Variants in RUFY1 observed in about 807,000 individuals in gnomAD.
RUFY1 encodes RUN and FYVE domain containing 1.
Under a neutral mutation model 94.6 loss-of-function variants are expected in RUFY1, and 54 were observed. The ratio of observed to expected loss-of-function variants is 0.57; its 90% CI spans 0.46 to 0.72. The LOEUF (loss-of-function observed/expected upper bound fraction) is 0.72, where lower values mean the gene tolerates loss of function less well. RUFY1 is among the 30% of genes least tolerant of loss of function. The probability of loss-of-function intolerance (pLI) is 0.00; values close to 1 mark genes in which losing one functional copy is unlikely to be tolerated. For synonymous variants in RUFY1, 396 were observed against 347.3 expected, an observed-to-expected ratio of 1.14 and a Z score of -1.56; for missense variants, 883 against 883.9, an observed-to-expected ratio of 1.00 and a Z score of 0.01.
intron 1 of RUFY1, 182 bp from the exon 2 acceptor site, chr5:179,559,843 G>A (rs1363712372): frequency 1.4e-6 from 2 of 1,380,594 alleles, no homozygotes; most frequent in East Asian, 2.8e-5. Context: ...CAGGTAGGGG[G>A]CTGTGGCCTC....
intron 1 of RUFY1, among the ~76,000 whole-genome samples, chr5:179,556,136 G>T (rs1275085747): frequency 6.6e-6 from 1 of 152,082 alleles, no homozygotes; most frequent in East Asian, 1.9e-4. Flanking sequence ...GTATCAAGTG[G>T]TATGTAAATA....
At chr5:179,589,518 A>G in intron 8 of RUFY1, 28 bp from the exon 9 acceptor site, 1 of 1,426,070 alleles carries the variant, frequency 7.0e-7, no homozygotes, top group Non-Finnish European at 9.9e-7. Context: ...TTTTGATGTT[A>G]AGAACTGTAA....
At chr5:179,562,454 A>G in intron 2 of RUFY1, 93 bp from the exon 3 acceptor site, 1 of 738,216 alleles carries the variant, frequency 1.4e-6, no homozygotes, top group South Asian at 1.6e-5. Flanking sequence ...AGCAGCTTTC[A>G]CTTCCACTTG....
chr5:179,598,643 C>T (rs745733145), intron 13 of RUFY1, 49 bp from the exon 14 acceptor site: 33 of 1,607,700 alleles, frequency 2.1e-5, no homozygotes, highest in African/African-American at 1.1e-4. Context: ...GTGAATCTTC[C>T]GTGAAAGTCT....
Position 179,559,678 on chromosome 5 carries a change from C to T in RUFY1, c.311-347C>T, listed in dbSNP as rs190505263. On this transcript the variant is annotated intron_variant, in intron 1 of 17. Transcript: ENST00000319449. ...GGGGCAGGGCTTCCTGTAGGTAGCGCCCTTCCATTGGTCAAAAATGGAACC... is the reference window on the plus strand; with the variant it reads ...GGGGCAGGGCTTCCTGTAGGTAGCGTCCTTCCATTGGTCAAAAATGGAACC... 2.9e-6 allele frequency: 3 copies of T among 1,038,252 alleles called. No individual in the cohort carries two copies. In the East Asian group the frequency reaches 2.8e-4, roughly 97 times the overall value. 64.3% of individuals were successfully genotyped at this position (1,038,252 alleles called of 1,614,324 possible).
chr5:179,605,178 C>T (rs1010123541), intron 15 of RUFY1, among the ~76,000 whole-genome samples: 23 of 150,092 alleles, frequency 1.5e-4, no homozygotes, highest in African/African-American at 5.4e-4. Flanking sequence ...ACTTGGGAGA[C>T]TAAAGTGAGA....
chr5:179,601,817 CAAAAAAAAA>C (rs56169514), intron 14 of RUFY1, 66 bp from the exon 15 acceptor site: 152 of 519,666 alleles, frequency 2.9e-4, no homozygotes, highest in Non-Finnish European at 3.6e-4. Context: ...GACCCTGTCT[CAAAAAAAAA>C]AAAAAAAAAA....
chr5:179,591,806 T>C (rs1431524663), intron 10 of RUFY1, 65 bp downstream of exon 10: 19 of 948,520 alleles, frequency 2.0e-5, no homozygotes, highest in Non-Finnish European at 2.6e-5. Context: ...TGTCAACACT[T>C]TTCATAGACA....
intron 7 of RUFY1, among the ~76,000 whole-genome samples, chr5:179,584,777 C>T (rs11744473): frequency 7.3e-6 from 1 of 136,934 alleles, no homozygotes; most frequent in African/African-American, 2.7e-5. Context: ...CAAAAAAAAA[C>T]AAAAAAAAGT....
chr5:179,598,842 A>C, intron 14 of RUFY1, 21 bp downstream of exon 14: 1 of 1,613,790 alleles, frequency 6.2e-7, no homozygotes, highest in Non-Finnish European at 8.5e-7. Flanking sequence ...CCATCCCGGG[A>C]GAGGAGAGCC....
At position 179,598,830 on chromosome 5, in the gene RUFY1, G is replaced by A; in HGVS notation, c.1761+9G>A. ...TGGAAGGACTGAAAAAGGTGAGGTG[G>A]GCCATCCCGGGAGAGGAGAGCCTCT... On this transcript the variant is annotated intron_variant, in intron 14 of 17. Transcript: ENST00000319449. 3 of 1,614,072 alleles carry A rather than the reference G, an allele frequency of 1.9e-6. No individual in the cohort carries two copies. Among genetic ancestry groups the A allele is most frequent in the Non-Finnish European group, 2.5e-6 (3 of 1,179,986 alleles).
At chr5:179,585,725 AC>A (rs1281344521) in intron 7 of RUFY1, 70 bp from the exon 8 acceptor site, 31 of 1,123,900 alleles carry the variant, frequency 2.8e-5, no homozygotes, top group Non-Finnish European at 4.2e-5. Flanking sequence ...AATCTCTCTT[AC>A]TGTTTACAGA....
At chr5:179,554,901 G>A (rs1341713425) in intron 1 of RUFY1, among the ~76,000 whole-genome samples, 3 of 151,992 alleles carry the variant, frequency 2.0e-5, no homozygotes, top group South Asian at 4.1e-4. Context: ...CCAGGAGGCA[G>A]AAGTTGCAGT....
Position 179,581,834 on chromosome 5 carries a change from G to A in RUFY1, c.956+822G>A, listed in dbSNP as rs74660637. Among the ~76,000 whole-genome samples the A allele has an allele frequency of 9.1e-3, 1,375 of 151,432 alleles. 29 individuals are homozygous for A. Among genetic ancestry groups the A allele is most frequent in the African/African-American group, 0.031 (1,278 of 41,294 alleles). On this transcript the variant is annotated intron_variant, in intron 7 of 17. Coordinates refer to ENST00000319449, the MANE Select transcript of RUFY1 (RefSeq NM_025158.5). ...TAAGTAGCTGGGACTACAAGCACAC[G>A]TCACCCCTCCTGGCTAATTTTTGTA...
chr5:179,567,334 C>A (rs546405436), intron 3 of RUFY1, 127 bp from the exon 4 acceptor site: 61 of 701,136 alleles, frequency 8.7e-5, no homozygotes, highest in Non-Finnish European at 1.5e-4. Context: ...CCCCAAACAG[C>A]CATTCTTAGA....
At chr5:179,609,296 CT>C in intron 17 of RUFY1, 79 bp from the exon 18 acceptor site, 3 of 1,478,876 alleles carry the variant, frequency 2.0e-6, no homozygotes, top group Non-Finnish European at 2.8e-6. Flanking sequence ...AAATGATGCG[CT>C]TCTGGGTCAG....
intron 8 of RUFY1, chr5:179,589,292 T>G: frequency 2.3e-6 from 1 of 426,294 alleles, no homozygotes. Context: ...CAATATGCTA[T>G]CATTTTTGTA....
At chr5:179,559,631 C>A (rs7703730) in intron 1 of RUFY1, 601,098 of 987,820 alleles carry the variant, frequency 0.61, 185,763 homozygotes, top group Non-Finnish European at 0.63. Flanking sequence ...GGACGCTTTC[C>A]CAGCACGCCC....
intron 7 of RUFY1, 107 bp downstream of exon 7, chr5:179,581,119 C>A: frequency 1.5e-6 from 1 of 688,910 alleles, no homozygotes; most frequent in Admixed American, 2.9e-5. Flanking sequence ...GTTTCCAAAC[C>A]AAGACAAAAG....
Sources: allele counts gnomAD v4.1 joint callset (sites outside exome capture counted in the v4.1 genomes callset), GRCh38; gene constraint gnomAD v4.1.1; transcripts MANE v1.5; gene names NCBI Gene and HGNC (gene_info 2026-07-23, HGNC 2026-07-21).